The following SV2C variants were observed in gnomAD, a reference collection of about 807,000 sequenced individuals.
SV2C encodes the protein synaptic vesicle glycoprotein 2C, also known as solute carrier family 22 member B3.
In SV2C, 49 loss-of-function variants were observed where a neutral mutation model predicts 79.7. That is an observed-to-expected ratio of 0.61 (90% confidence interval 0.49 to 0.78). SV2C has a LOEUF of 0.78. Ranked by LOEUF, SV2C falls within the 30% of genes least tolerant of loss-of-function variation. The pLI is 0.00. For missense variants in SV2C, 833 were observed against 912.9 expected (o/e 0.91, Z 1.13); for synonymous variants, 334 against 333.2 (o/e 1.00, Z -0.03).
At chr5:76,062,276 A>G in the SV2C span, among the ~76,000 whole-genome samples, 1 of 152,104 alleles carries the variant, frequency 6.6e-6, no homozygotes, top group African/African-American at 2.4e-5. Flanking sequence ...GAAGGTGATT[A>G]CATCATGAAG....
At chr5:76,171,936 AG>A (rs1215043767) in intron 2 of SV2C, among the ~76,000 whole-genome samples, 63 of 35,106 alleles carry the variant, frequency 1.8e-3, no homozygotes, top group African/African-American at 6.0e-3. Context: ...GGAGGGAGGT[AG>A]GGGGGTCAGC....
At chr5:75,875,443 A>G in the SV2C span, among the ~76,000 whole-genome samples, 1 of 152,232 alleles carries the variant, frequency 6.6e-6, no homozygotes, top group African/African-American at 2.4e-5. Flanking sequence ...AGATGAATTA[A>G]AGACTTAAAT....
the SV2C span, among the ~76,000 whole-genome samples, chr5:75,848,978 G>A: frequency 2.0e-5 from 3 of 152,188 alleles, no homozygotes; most frequent in Admixed American, 6.5e-5. Flanking sequence ...TATTCGGCAC[G>A]TAGTGCCTAG....
chr5:76,010,927 C>T, the SV2C span, among the ~76,000 whole-genome samples: 1 of 152,080 alleles, frequency 6.6e-6, no homozygotes, highest in Non-Finnish European at 1.5e-5. Context: ...GCTCATTGAA[C>T]CTTGTTTTGA....
chr5:75,868,922 A>G, the SV2C span, among the ~76,000 whole-genome samples: 2 of 152,186 alleles, frequency 1.3e-5, no homozygotes, highest in Non-Finnish European at 1.5e-5. Flanking sequence ...TTGAGAGATT[A>G]ACATCATAAG....
At chr5:76,148,732 C>T (rs1325765166) in intron 2 of SV2C, among the ~76,000 whole-genome samples, 1 of 152,180 alleles carries the variant, frequency 6.6e-6, no homozygotes, top group Non-Finnish European at 1.5e-5. Flanking sequence ...AGATTACAGG[C>T]CTGAGCCACG....
At chr5:76,190,442 G>A (rs568618341) in intron 2 of SV2C, among the ~76,000 whole-genome samples, 1 of 152,240 alleles carries the variant, frequency 6.6e-6, no homozygotes, top group South Asian at 2.1e-4. Context: ...GAAGACTTTG[G>A]GTAAGTTGAC....
chr5:75,996,141 C>A, the SV2C span, among the ~76,000 whole-genome samples: 2 of 152,040 alleles, frequency 1.3e-5, no homozygotes, highest in Non-Finnish European at 2.9e-5. Flanking sequence ...GTCTTTAATC[C>A]ATCTTGAATT....
the SV2C span, among the ~76,000 whole-genome samples, chr5:75,901,193 G>GT: frequency 1.3e-5 from 2 of 152,146 alleles, no homozygotes; most frequent in African/African-American, 4.8e-5. Context: ...TTTCTGCTCT[G>GT]TTTTTTCCCC....
chr5:75,909,192 G>T, the SV2C span, among the ~76,000 whole-genome samples: 2 of 152,184 alleles, frequency 1.3e-5, no homozygotes, highest in Non-Finnish European at 2.9e-5. Flanking sequence ...GCAAAGCACA[G>T]CAAAATGTGG....
chr5:76,277,576 C>G (rs548927715), intron 4 of SV2C, among the ~76,000 whole-genome samples: 1 of 152,072 alleles, frequency 6.6e-6, no homozygotes, highest in Admixed American at 6.6e-5. Flanking sequence ...GAGTTCAAGA[C>G]CAGTCTGGAT....
chr5:75,953,206 C>T, the SV2C span, among the ~76,000 whole-genome samples: 1 of 151,788 alleles, frequency 6.6e-6, no homozygotes, highest in Non-Finnish European at 1.5e-5. Context: ...ACAATCAGCT[C>T]TTGTGGGAAC....
At chr5:76,039,161 T>C in the SV2C span, among the ~76,000 whole-genome samples, 2 of 152,208 alleles carry the variant, frequency 1.3e-5, no homozygotes, top group Non-Finnish European at 2.9e-5. Context: ...TTGGTCAGCA[T>C]GGGCTTGACT....
the SV2C span, among the ~76,000 whole-genome samples, chr5:75,942,221 T>G: frequency 6.6e-6 from 1 of 152,220 alleles, no homozygotes; most frequent in African/African-American, 2.4e-5. Flanking sequence ...TATCTCTTCA[T>G]CCAGTTGTTT....
chr5:76,351,012 CAA>C (rs57145451), intron 12 of SV2C, among the ~76,000 whole-genome samples: 3 of 136,554 alleles, frequency 2.2e-5, no homozygotes, highest in East Asian at 2.4e-4. Context: ...GACTCCATCT[CAA>C]AAAAAAAAAA....
the SV2C span, among the ~76,000 whole-genome samples, chr5:76,042,651 T>C: frequency 3.9e-5 from 6 of 152,212 alleles, no homozygotes; most frequent in Non-Finnish European, 8.8e-5. Flanking sequence ...TGCAAGTGAC[T>C]CACACTTTCT....
intron 1 of SV2C, among the ~76,000 whole-genome samples, chr5:76,108,869 C>T (rs764212850): frequency 2.2e-4 from 33 of 152,166 alleles, no homozygotes; most frequent in Non-Finnish European, 3.7e-4. Flanking sequence ...AGTTGACTAA[C>T]TTTTGAGCTA....
the SV2C span, among the ~76,000 whole-genome samples, chr5:75,904,145 T>C: frequency 2.6e-5 from 4 of 152,176 alleles, no homozygotes; most frequent in Non-Finnish European, 4.4e-5. Flanking sequence ...AGTTTTGATA[T>C]AGTTTGGTGG....
intron 4 of SV2C, among the ~76,000 whole-genome samples, chr5:76,235,519 C>A (rs1201994851): frequency 1.3e-5 from 2 of 152,012 alleles, no homozygotes; most frequent in Admixed American, 1.3e-4. Context: ...AAAATCATAT[C>A]AATGTAAACA....
Sources: gnomAD v4.1 joint callset for allele counts (sites outside exome capture counted in the v4.1 genomes callset) on GRCh38, gnomAD v4.1.1 for gene constraint, MANE v1.5 for transcripts, NCBI Gene and HGNC (gene_info 2026-07-23, HGNC 2026-07-21) for gene names.